The following TTLL10 variants were observed in gnomAD, a reference collection of about 807,000 sequenced individuals.
TTLL10 encodes inactive polyglycylase TTLL10.
A neutral mutation model predicts 69.0 loss-of-function variants in TTLL10; 61 were observed. The ratio of observed to expected loss-of-function variants is 0.88; its 90% confidence interval spans 0.72 to 1.09. The LOEUF is 1.09. Among genes scored for constraint, TTLL10 ranks in the 50% least tolerant of loss-of-function variants. The pLI is 0.00. For synonymous variants in TTLL10, 408 were observed against 393.3 expected (o/e 1.04, Z -0.44); for missense variants, 962 against 945.9 (o/e 1.02, Z -0.22).
chr1:1,179,147 C>T (rs992746328), intron 3 of TTLL10, 42 bp from the exon 4 acceptor site: 4 of 1,353,084 alleles, frequency 3.0e-6, no homozygotes, highest in East Asian at 2.5e-5. Context: ...TCGGGCCGCG[C>T]GGAGGTCCCA....
In TTLL10 at chr1:1,197,121, C is replaced by G. The variant is rs1044407064; in HGVS notation, c.1547C>G (p.Pro516Arg). 5 of 1,550,990 alleles carry G rather than the reference C, an allele frequency of 3.2e-6. No individual in the cohort carries two copies. In the Admixed American group the frequency reaches 5.9e-5, roughly 18 times the overall value. ...KVWLLEMNSN[P>R]ALHTNCEVLK... Reference sequence around the variant, plus strand: ...TGGCTGCTGGAGATGAATTCTAACCCAGCCCTGCACACCAACTGCGAGGTC... The same window carrying G: ...TGGCTGCTGGAGATGAATTCTAACCGAGCCCTGCACACCAACTGCGAGGTC... Residue 516 changes from proline (P) to arginine (R), a missense_variant, in exon 15 of 16, where the codon CCA becomes CGA. Coordinates refer to ENST00000379289, the MANE Select transcript of TTLL10 (RefSeq NM_001130045.2).
rs950299438 is a variant in TTLL10, at chr1:1,197,851, C to A, written c.*4C>A. 8.2e-6 allele frequency: 12 copies of A among 1,458,908 alleles called. No individual in the cohort carries two copies. In the Admixed American group the frequency reaches 2.3e-4, roughly 28 times the overall value. 90.4% of individuals were successfully genotyped at this position (1,458,908 alleles called of 1,614,324 possible). On this transcript the variant is annotated 3_prime_UTR_variant, in exon 16 of 16. Transcript: ENST00000379289. ...GCCTGAGAACGCGAGGCCCTAGGGG[C>A]AGCCACCCGCGCCCAGCGCCCCGCG...
intron 13 of TTLL10, chr1:1,196,309 G>A (rs1338969119): frequency 2.1e-5 from 8 of 382,164 alleles, no homozygotes; most frequent in South Asian, 3.2e-5. Flanking sequence ...GAGATTTTAC[G>A]TATCCCATTT....
chr1:1,194,877 G>A (rs1039841426), intron 13 of TTLL10, among the ~76,000 whole-genome samples: 1 of 152,042 alleles, frequency 6.6e-6, no homozygotes, highest in Non-Finnish European at 1.5e-5. Flanking sequence ...TTCAAATATT[G>A]TTTCTGCTCC....
intron 13 of TTLL10, among the ~76,000 whole-genome samples, chr1:1,194,981 CCTCT>C (rs370017189): frequency 0.01 from 1,554 of 151,580 alleles, 25 homozygotes; most frequent in African/African-American, 0.033. Flanking sequence ...ATTTTTCTTC[CCTCT>C]CTCTCTCTCT....
chr1:1,193,448 G>A (rs993442898), intron 13 of TTLL10, among the ~76,000 whole-genome samples: 1 of 151,888 alleles, frequency 6.6e-6, no homozygotes, highest in Non-Finnish European at 1.5e-5. Context: ...TATTGTTTTA[G>A]AGAGATATTT....
Position 1,180,212 on chromosome 1 carries a change from T to A in TTLL10, c.378T>A (p.Asp126Glu), listed in dbSNP as rs1359421113. The A allele has an allele frequency of 1.2e-6, 2 of 1,610,858 alleles. No individual in the cohort carries two copies. Among genetic ancestry groups the A allele is most frequent in the African/African-American group, 1.3e-5 (1 of 74,976 alleles). Residue 126 changes from aspartate (D) to glutamate (E), a missense_variant, in exon 6 of 16, where the codon GAT becomes GAA. Physicochemically the swap from Asp to Glu is conservative, Grantham distance 45. Coordinates refer to ENST00000379289, the MANE Select transcript of TTLL10 (RefSeq NM_001130045.2). ...LLNSHRPADS[D>E]DTNAAGPSAA... ...ACAGCCACCGGCCTGCAGACTCGGA[T>A]GACACTAACGCCGCCGGGCCCTCAG... is the stretch of plus-strand genomic sequence containing the variant.
chr1:1,186,629 A>G (rs1647343435), intron 13 of TTLL10, among the ~76,000 whole-genome samples: 1 of 152,178 alleles, frequency 6.6e-6, no homozygotes, highest in South Asian at 2.1e-4. Context: ...CAGTTTCTCC[A>G]GATCTCGCCA....
chr1:1,175,497 C>T (rs1646840669), intron 3 of TTLL10: 1 of 367,768 alleles, frequency 2.7e-6, no homozygotes, highest in Non-Finnish European at 5.4e-6. Flanking sequence ...GCAGAGCTGC[C>T]CGGCCTCCCC....
chr1:1,181,947 C>A lies in TTLL10; in HGVS notation c.830+132C>A. 1.2e-6 allele frequency: 1 copy of A among 859,428 alleles called. No individual in the cohort carries two copies. Among genetic ancestry groups the A allele is most frequent in the Admixed American group, 2.4e-5 (1 of 41,610 alleles). 53.2% of individuals were successfully genotyped at this position (859,428 alleles called of 1,614,324 possible). ...CCACGAGCTAGAGTCAGAGGTTCAGCCAGGCCAGGCCGAGATCCACGCTGA... is the reference window on the plus strand; with the variant it reads ...CCACGAGCTAGAGTCAGAGGTTCAGACAGGCCAGGCCGAGATCCACGCTGA... On this transcript the variant is annotated intron_variant, in intron 9 of 15. Coordinates refer to ENST00000379289, the MANE Select transcript of TTLL10 (RefSeq NM_001130045.2). This position sits in a 1 kb window ranked among gnomAD's most constrained non-coding sequence, Gnocchi z 4.6.
At chr1:1,192,924 T>G (rs1557490630) in intron 13 of TTLL10, among the ~76,000 whole-genome samples, 1 of 152,266 alleles carries the variant, frequency 6.6e-6, no homozygotes, top group Non-Finnish European at 1.5e-5. Context: ...TCCACCTATT[T>G]TTGTCTCTGA....
rs1378936824 is a variant in TTLL10, at chr1:1,197,511, C to G, written c.1686C>G (p.Phe562Leu). Residue 562 changes from phenylalanine to leucine, a missense_variant, in exon 16 of 16, where the codon TTC (phenylalanine) becomes TTG (leucine). Phe to Leu is a conservative substitution (Grantham distance 22). Coordinates refer to ENST00000379289, the MANE Select transcript of TTLL10 (RefSeq NM_001130045.2). ...TGCCTCTGCTGTCCCAGCGCCGCTT[C>G]GTGCTCCTGCACAACGGTGAGGCCG... The part of the protein sequence containing the change: ...KMLPLLSQRR[F>L]VLLHNGEADP... 3 of 1,541,300 alleles carry G rather than the reference C, an allele frequency of 1.9e-6. No individual in the cohort carries two copies. Among genetic ancestry groups the G allele is most frequent in the Admixed American group, 2.0e-5 (1 of 50,362 alleles).
intron 13 of TTLL10, among the ~76,000 whole-genome samples, chr1:1,190,575 G>A (rs1308088859): frequency 2.0e-5 from 3 of 148,760 alleles, no homozygotes; most frequent in African/African-American, 7.4e-5. Context: ...CTAAGGGCAC[G>A]TGCCACCACT....
Position 1,185,657 on chromosome 1 carries a change from G to A in TTLL10, c.1401+548G>A. 1.0e-6 allele frequency: 1 copy of A among 985,634 alleles called. No individual in the cohort carries two copies. The highest frequency in any genetic ancestry group is 1.2e-6 in the Non-Finnish European group (1 of 830,086). 61.1% of individuals were successfully genotyped at this position (985,634 alleles called of 1,614,324 possible). A position where few individuals can be genotyped will look rare whatever the true frequency, so the allele number is the denominator to read the frequency against. ...GCGGTGTGAAACTGGGATAAAAACG[G>A]GGCTTGGCCGAAGGACTTTTATCTG... On this transcript the variant is annotated intron_variant, in intron 13 of 15. Coordinates refer to ENST00000379289, the MANE Select transcript of TTLL10 (RefSeq NM_001130045.2). The surrounding 1 kb of genome is among the most constrained non-coding windows in gnomAD (Gnocchi z 6.1).
rs939949682 is a variant in TTLL10, at chr1:1,196,733, C to T, written c.1518+17C>T. The T allele has an allele frequency of 4.6e-6, 7 of 1,509,580 alleles. No individual in the cohort carries two copies. The highest frequency in any genetic ancestry group is 2.0e-5 in the Admixed American group (1 of 50,930). The allele number at this position is 1,509,580 out of a possible 1,614,324, so 93.5% of individuals were successfully genotyped here. A position where few individuals can be genotyped will look rare whatever the true frequency, so the allele number is the denominator to read the frequency against. On this transcript the variant is annotated intron_variant, in intron 14 of 15. Coordinates refer to ENST00000379289, the MANE Select transcript of TTLL10 (RefSeq NM_001130045.2). ...AACTTCAAGGTGCTGTCCTGGGCGG[C>T]GGGGGGCACAGTAGACAGATGCAAG...
intron 13 of TTLL10, among the ~76,000 whole-genome samples, chr1:1,190,334 A>T: frequency 1.4e-5 from 2 of 143,530 alleles, no homozygotes; most frequent in African/African-American, 2.6e-5. Flanking sequence ...GGTTTCACTG[A>T]TTTTCTCTAC....
chr1:1,174,604 G>A (rs969637611), intron 3 of TTLL10, 115 bp downstream of exon 3: 5 of 152,184 alleles, frequency 3.3e-5, no homozygotes, highest in Admixed American at 6.5e-5. Flanking sequence ...GGGCGTCACC[G>A]GCTTCCCAAG....
intron 3 of TTLL10, chr1:1,176,464 T>A (rs1383393425): frequency 2.2e-6 from 1 of 451,168 alleles, no homozygotes; most frequent in African/African-American, 2.0e-5. Context: ...GACAGCTCAC[T>A]CCTGTGAGAG....
At chr1:1,183,327 C>T (rs778506614) in intron 11 of TTLL10, among the ~76,000 whole-genome samples, 13 of 152,176 alleles carry the variant, frequency 8.5e-5, no homozygotes, top group African/African-American at 1.2e-4. Context: ...GGTGGCCTCC[C>T]GGCTGCCAGC....
Sources: allele counts gnomAD v4.1 joint callset (sites outside exome capture counted in the v4.1 genomes callset), GRCh38; gene constraint gnomAD v4.1.1; non-coding constraint Gnocchi (gnomAD v3.1); transcripts MANE v1.5; gene names NCBI Gene and HGNC (gene_info 2026-07-23, HGNC 2026-07-21).